The following PLBD2 variants were observed in gnomAD, a reference collection of about 807,000 sequenced individuals.
PLBD2 encodes putative aminopeptidase PLBD2.
In PLBD2, 51 loss-of-function variants were observed where a neutral mutation model predicts 68.3. The observed-to-expected ratio is 0.75, with a 90% confidence interval of 0.60 to 0.94. The LOEUF is 0.94. Ranked by LOEUF, PLBD2 falls within the 40% of genes least tolerant of loss-of-function variation. PLBD2 has a pLI of 0.00. For synonymous variants in PLBD2, 314 were observed against 339.3 expected (o/e 0.93, Z 0.82); for missense variants, 729 against 792.2 (o/e 0.92, Z 0.96).
chr12:113,372,578 G>A lies in PLBD2; in HGVS notation c.385-71G>A, dbSNP rs1216189098. 6.5e-7 allele frequency: 1 copy of A among 1,530,634 alleles called. No individual in the cohort carries two copies. The highest frequency in any genetic ancestry group is 2.3e-5 in the East Asian group (1 of 44,134). The allele number at this position is 1,530,634 out of a possible 1,614,324, so 94.8% of individuals were successfully genotyped here. On this transcript the variant is annotated intron_variant, in intron 2 of 11. Coordinates refer to ENST00000280800, the MANE Select transcript of PLBD2 (RefSeq NM_173542.4). This position sits in a 1 kb window ranked among gnomAD's most constrained non-coding sequence, Gnocchi z 4.2. ...AGCAGCCTCCGCTCTGGGGCAGCCT[G>A]GGTGGGGGGCTCTCAGGGAAGAGAG...
At chr12:113,369,076 G>T in intron 1 of PLBD2, 40 bp from the exon 2 acceptor site, 2 of 1,422,092 alleles carry the variant, frequency 1.4e-6, no homozygotes, top group East Asian at 2.5e-5. Context: ...CTAGCTGGGG[G>T]CCTCTGCTGC....
At chr12:113,382,822 TGGTGGTGG>T (rs1957504027) in intron 6 of PLBD2, among the ~76,000 whole-genome samples, 3 of 141,978 alleles carry the variant, frequency 2.1e-5, no homozygotes, top group African/African-American at 5.3e-5. Context: ...GGGGTGGTGG[TGGTGGTGG>T]TTTTTTGTGT....
intron 6 of PLBD2, among the ~76,000 whole-genome samples, chr12:113,381,072 G>A (rs748412747): frequency 2.4e-4 from 37 of 152,174 alleles, no homozygotes; most frequent in Non-Finnish European, 2.5e-4. Flanking sequence ...CCACAAGGGC[G>A]TGTTTAAACA....
chr12:113,388,849 C>G lies in PLBD2; in HGVS notation c.*223C>G. On this transcript the variant is annotated 3_prime_UTR_variant, in exon 12 of 12. Transcript: ENST00000280800. Reference sequence around the variant, plus strand: ...TGGGCACCGTGGCGTCTCTTCTGCCCTGCCCTAAATCTCCCACTCTCTGTT... The same window carrying G: ...TGGGCACCGTGGCGTCTCTTCTGCCGTGCCCTAAATCTCCCACTCTCTGTT... 2 of 470,038 alleles carry G rather than the reference C, an allele frequency of 4.3e-6. No individual in the cohort carries two copies. Among genetic ancestry groups the G allele is most frequent in the Non-Finnish European group, 7.4e-6 (2 of 270,594 alleles). 29.1% of individuals were successfully genotyped at this position (470,038 alleles called of 1,614,324 possible). A position where few individuals can be genotyped will look rare whatever the true frequency, so the allele number is the denominator to read the frequency against.
At chr12:113,386,047 G>A (rs531706106) in intron 9 of PLBD2, among the ~76,000 whole-genome samples, 34 of 152,336 alleles carry the variant, frequency 2.2e-4, no homozygotes, top group Non-Finnish European at 4.3e-4. Context: ...CACCACACCC[G>A]GACTGAAGGC....
Position 113,380,746 on chromosome 12 carries a change from G to A in PLBD2, c.861G>A (p.Gly287=). 6.5e-7 allele frequency: 1 copy of A among 1,549,392 alleles called. No individual in the cohort carries two copies. The highest frequency in any genetic ancestry group is 8.7e-7 in the Non-Finnish European group (1 of 1,147,108). Residue 287 remains glycine, a splice_region_variant and synonymous_variant, in exon 6 of 12, where the codon GGG becomes GGA. Transcript: ENST00000280800. ...CCCTGGCTCGCTCTGCCTGCACAGG[G>A]GACTACCCGCTGGTTCCCGGCAACA... The part of the protein sequence containing the change: ...YWLQFREGPW[G]DYPLVPGNKL...
chr12:113,363,299 G>A (rs905298770), intron 1 of PLBD2, among the ~76,000 whole-genome samples: 3 of 152,060 alleles, frequency 2.0e-5, no homozygotes, highest in Non-Finnish European at 4.4e-5. Context: ...AGCTGGGCAC[G>A]GTGGTGCGTG....
Position 113,377,664 on chromosome 12 carries a change from G to GA in PLBD2, c.859+2658dup, listed in dbSNP as rs1957446984. The stretch of plus-strand genomic sequence containing the variant: ...TGGTCTTGAATACCTGACCTCAAGT[G>GA]ATCCAACCGCCTGTCCTGATTTCTC... On this transcript the variant is annotated intron_variant, in intron 5 of 11. Transcript: ENST00000280800. Among the ~76,000 whole-genome samples the GA allele has an allele frequency of 5.3e-5, 8 of 152,294 alleles. No individual in the cohort carries two copies. The South Asian group carries it at 1.4e-3, about 28-fold the overall frequency.
At chr12:113,381,479 TA>T (rs915508764) in intron 6 of PLBD2, among the ~76,000 whole-genome samples, 1 of 152,126 alleles carries the variant, frequency 6.6e-6, no homozygotes, top group Non-Finnish European at 1.5e-5. Context: ...AACATCACTC[TA>T]AAAAACACCC....
At chr12:113,385,836 C>T (rs1272888051) in intron 9 of PLBD2, among the ~76,000 whole-genome samples, 14 of 149,914 alleles carry the variant, frequency 9.3e-5, no homozygotes, top group African/African-American at 3.2e-4. Flanking sequence ...CTGCAGCCTC[C>T]GCCTCCTGAG....
intron 6 of PLBD2, 80 bp downstream of exon 6, chr12:113,380,922 CGG>C: frequency 1.5e-6 from 2 of 1,356,316 alleles, no homozygotes; most frequent in Non-Finnish European, 2.0e-6. Context: ...TTGATTCCTG[CGG>C]CAAGTGGGGA....
At chr12:113,385,806 A>G (rs1393352529) in intron 9 of PLBD2, among the ~76,000 whole-genome samples, 1 of 152,098 alleles carries the variant, frequency 6.6e-6, no homozygotes, top group Non-Finnish European at 1.5e-5. Flanking sequence ...GCTGGAGTGC[A>G]ATGGTGCAAT....
In PLBD2 at chr12:113,374,972, A is replaced by G. The variant is rs1351987223; in HGVS notation, c.824A>G (p.Lys275Arg). 15 of 1,614,146 alleles carry G rather than the reference A, an allele frequency of 9.3e-6. No individual in the cohort carries two copies. The highest frequency in any genetic ancestry group is 1.3e-5 in the Non-Finnish European group (15 of 1,180,016). ...TACCAGCACATGCTGCGTGTCATCA[A>G]GAAGTACTGGCTCCAGTTCCGGGAA... ...NNYQHMLRVI[K>R]KYWLQFREGP... Residue 275 changes from lysine to arginine, a missense_variant, in exon 5 of 12, where the codon AAG becomes AGG. Lys to Arg is a conservative substitution (Grantham distance 26). Coordinates refer to ENST00000280800, the MANE Select transcript of PLBD2 (RefSeq NM_173542.4).
Position 113,387,205 on chromosome 12 carries a change from AG to A in PLBD2, c.1439+121del, listed in dbSNP as rs1029275934. 17 of 1,348,848 alleles carry A rather than the reference AG, an allele frequency of 1.3e-5. No homozygotes were observed. The African/African-American group carries it at 2.2e-4, about 18-fold the overall frequency. The allele number at this position is 1,348,848 out of a possible 1,614,324, so 83.6% of individuals were successfully genotyped here. On this transcript the variant is annotated intron_variant, in intron 10 of 11. Transcript: ENST00000280800. ...TTGCTGCCAGCCCCAGAGGGCCAGCAGGGGGTGGTCAGATGTTGGACACCAG... is the reference window on the plus strand; with the variant it reads ...TTGCTGCCAGCCCCAGAGGGCCAGCAGGGGTGGTCAGATGTTGGACACCAG...
rs1434624536 is a variant in PLBD2, at chr12:113,375,008, G to A, written c.859+1G>A. The stretch of plus-strand genomic sequence containing the variant: ...CTCCAGTTCCGGGAAGGCCCCTGGG[G>A]TAGGTGGGTGTGGGTGTGTCTGGGG... On this transcript the variant is annotated splice_donor_variant, in intron 5 of 11. Transcript: ENST00000280800. LOFTEE classifies it high-confidence loss of function. 1 of 1,613,826 alleles carries A rather than the reference G, an allele frequency of 6.2e-7. No individual in the cohort carries two copies. The highest frequency in any genetic ancestry group is 1.3e-5 in the African/African-American group (1 of 74,942).
chr12:113,364,328 T>A (rs1016417219), intron 1 of PLBD2, among the ~76,000 whole-genome samples: 47 of 152,350 alleles, frequency 3.1e-4, no homozygotes, highest in African/African-American at 1.1e-3. Context: ...ACAGCTTTTT[T>A]GGTTTTACGC....
chr12:113,385,256 AGAC>A lies in PLBD2; in HGVS notation c.1260_1262del (p.Lys420_Thr421delinsAsn). The A allele has an allele frequency of 1.2e-6, 2 of 1,614,182 alleles. No homozygotes were observed. Among genetic ancestry groups the A allele is most frequent in the Non-Finnish European group, 1.7e-6 (2 of 1,180,012 alleles). ...GACAAGACCTCGGAGCTCTACCAGAAGACCTACTGGGCCAGCTACAACATACCG... is the reference window on the plus strand; with the variant it reads ...GACAAGACCTCGGAGCTCTACCAGAACTACTGGGCCAGCTACAACATACCG... On this transcript the variant is annotated inframe_deletion, in exon 9 of 12. Transcript: ENST00000280800.
At chr12:113,358,926 G>T in intron 1 of PLBD2, 36 bp downstream of exon 1, 17 of 1,482,696 alleles carry the variant, frequency 1.1e-5, no homozygotes, top group Non-Finnish European at 1.5e-5. Flanking sequence ...GGGCCATCGG[G>T]GGAGGGGGAT....
At chr12:113,381,379 G>T (rs1244588664) in intron 6 of PLBD2, among the ~76,000 whole-genome samples, 2 of 151,856 alleles carry the variant, frequency 1.3e-5, no homozygotes, top group Admixed American at 1.3e-4. Context: ...TCCTGGCTGC[G>T]GTCCAGACTT....
Sources: allele counts gnomAD v4.1 joint callset (sites outside exome capture counted in the v4.1 genomes callset), GRCh38; gene constraint gnomAD v4.1.1; non-coding constraint Gnocchi (gnomAD v3.1); transcripts MANE v1.5; gene names NCBI Gene and HGNC (gene_info 2026-07-23, HGNC 2026-07-21).